NHSL1: variants seen among roughly 807,000 people sequenced by gnomAD.
NHSL1 encodes the protein NHS like 1.
A neutral mutation model predicts 95.0 loss-of-function variants in NHSL1; 48 were observed. The ratio of observed to expected loss-of-function variants is 0.51; its 90% confidence interval spans 0.40 to 0.64. The LOEUF (loss-of-function observed/expected upper bound fraction) is 0.64, where lower values mean the gene tolerates loss of function less well. NHSL1 is among the 30% of genes least tolerant of loss of function. The pLI is 0.00. For synonymous variants in NHSL1, 783 were observed against 833.9 expected, an observed-to-expected ratio of 0.94 and a Z score of 1.05; for missense variants, 1,971 against 2,077.7, an observed-to-expected ratio of 0.95 and a Z score of 1.00.
In NHSL1 at chr6:138,430,400, G is replaced by A. The variant is rs564070492; in HGVS notation, c.3945C>T (p.Asp1315=). Residue 1315 remains aspartate (D), a synonymous_variant, in exon 6 of 8, where the codon GAC becomes GAT. Coordinates refer to ENST00000343505, the MANE Select transcript of NHSL1 (RefSeq NM_001144060.2). This position sits in a 1 kb window ranked among gnomAD's most constrained non-coding sequence, Gnocchi z 4.7. ...GDGESCLSQQ[D]GAAGVPETNA... ...CCAGGAAGCCAGACTCACCTGCTCC[G>A]TCCTGTTGAGATAGGCAGCTCTCCC... The A allele has an allele frequency of 6.0e-5, 89 of 1,482,584 alleles. No individual in the cohort carries two copies. In the East Asian group the frequency reaches 7.0e-4, roughly 12 times the overall value. 91.8% of individuals were successfully genotyped at this position (1,482,584 alleles called of 1,614,324 possible).
chr6:138,433,766 TA>T, intron 5 of NHSL1, 86 bp from the exon 6 acceptor site: 1 of 1,386,386 alleles, frequency 7.2e-7, no homozygotes. Context: ...GACAGAATTT[TA>T]AAAAAATTTT....
At chr6:138,635,713 C>T (rs939940023) in intron 1 of NHSL1, among the ~76,000 whole-genome samples, 1 of 152,000 alleles carries the variant, frequency 6.6e-6, no homozygotes, top group Non-Finnish European at 1.5e-5. Flanking sequence ...AAAACACAGA[C>T]ACATCAAAAC....
chr6:138,503,986 T>C (rs559568524), upstream of NHSL1, among the ~76,000 whole-genome samples: 7 of 152,128 alleles, frequency 4.6e-5, no homozygotes, highest in South Asian at 2.1e-4. Context: ...ATCCCAGAGC[T>C]TTGGGAGGCT....
At chr6:138,442,212 G>T in intron 4 of NHSL1, 98 bp from the exon 5 acceptor site, 1 of 1,232,008 alleles carries the variant, frequency 8.1e-7, no homozygotes, top group Non-Finnish European at 1.1e-6. Context: ...TGATAAGAAG[G>T]TATTAATAAT....
At chr6:138,665,870 GT>G (rs981981007) in intron 1 of NHSL1, among the ~76,000 whole-genome samples, 9 of 152,054 alleles carry the variant, frequency 5.9e-5, no homozygotes, top group African/African-American at 2.2e-4. Flanking sequence ...GAGTGATTAA[GT>G]TTCTCCCCAG....
intron 1 of NHSL1, among the ~76,000 whole-genome samples, chr6:138,638,470 C>T (rs1425184173): frequency 6.6e-6 from 1 of 152,122 alleles, no homozygotes; most frequent in Admixed American, 6.5e-5. Flanking sequence ...TATACACTTA[C>T]TATGCACCCA....
intron 1 of NHSL1, among the ~76,000 whole-genome samples, chr6:138,594,605 G>A (rs1205568990): frequency 1.3e-5 from 2 of 151,802 alleles, no homozygotes; most frequent in Non-Finnish European, 2.9e-5. Flanking sequence ...AATACAATAC[G>A]ATCCCCAATA....
intron 1 of NHSL1, among the ~76,000 whole-genome samples, chr6:138,584,931 G>A (rs952657454): frequency 3.9e-5 from 6 of 152,176 alleles, no homozygotes; most frequent in African/African-American, 1.4e-4. Flanking sequence ...CAACAGAGCT[G>A]CCGCAAAATG....
At chr6:138,541,112 G>C (rs1324769087) in intron 1 of NHSL1, among the ~76,000 whole-genome samples, 1 of 152,172 alleles carries the variant, frequency 6.6e-6, no homozygotes, top group Non-Finnish European at 1.5e-5. Flanking sequence ...TCACGCCTGT[G>C]ATCCCAACAC....
intron 1 of NHSL1, among the ~76,000 whole-genome samples, chr6:138,629,388 TC>T (rs67914145): frequency 0.24 from 36,250 of 150,438 alleles, 4,449 homozygotes; most frequent in South Asian, 0.32. Flanking sequence ...TTTCTTTCTT[TC>T]TTTTTTTTTT....
At chr6:138,619,510 T>A (rs1275176827) in intron 1 of NHSL1, among the ~76,000 whole-genome samples, 2 of 152,186 alleles carry the variant, frequency 1.3e-5, no homozygotes, top group Admixed American at 6.5e-5. Flanking sequence ...TGACTGTTAC[T>A]TTTCGTACCT....
chr6:138,597,229 C>T (rs1345213506), intron 1 of NHSL1, among the ~76,000 whole-genome samples: 1 of 152,064 alleles, frequency 6.6e-6, no homozygotes, highest in Admixed American at 6.5e-5. Context: ...TCAGTGCTGG[C>T]ATATGAAGCA....
chr6:138,507,409 A>C (rs1321157453), intron 1 of NHSL1, among the ~76,000 whole-genome samples: 1 of 152,226 alleles, frequency 6.6e-6, no homozygotes, highest in Non-Finnish European at 1.5e-5. Context: ...ACTACTAATA[A>C]TAATGGGAAT....
intron 2 of NHSL1, among the ~76,000 whole-genome samples, chr6:138,487,701 G>T (rs1779809210): frequency 6.6e-6 from 1 of 152,162 alleles, no homozygotes; most frequent in African/African-American, 2.4e-5. Context: ...ACGAAGATGG[G>T]ACCTGACTTC....
intron 4 of NHSL1, chr6:138,446,722 G>A (rs1776884944): frequency 5.7e-6 from 2 of 352,768 alleles, no homozygotes; most frequent in East Asian, 5.2e-5. Flanking sequence ...TTACTAAAAA[G>A]CAATTTAATT....
intron 1 of NHSL1, among the ~76,000 whole-genome samples, chr6:138,564,539 G>A (rs1046036845): frequency 2.0e-5 from 3 of 151,994 alleles, no homozygotes; most frequent in African/African-American, 7.3e-5. Flanking sequence ...GCCAAATTCA[G>A]AAAGTATTTG....
chr6:138,645,950 G>A (rs1476937810), intron 1 of NHSL1, among the ~76,000 whole-genome samples: 1 of 152,196 alleles, frequency 6.6e-6, no homozygotes, highest in Non-Finnish European at 1.5e-5. Context: ...TTAAATGAAT[G>A]AGTGTATGAT....
At chr6:138,496,492 A>G (rs1780362309) in intron 1 of NHSL1, 121 bp from the exon 2 acceptor site, 2 of 905,774 alleles carry the variant, frequency 2.2e-6, no homozygotes, top group Non-Finnish European at 3.4e-6. Context: ...GGAGCAATGG[A>G]GCAAATCCTA....
Position 138,432,136 on chromosome 6 carries a change from G to GGGAGCGGGGCAGCCAGGGC in NHSL1, c.2190_2208dup (p.Arg737AlafsTer13). 1 of 1,549,642 alleles carries GGGAGCGGGGCAGCCAGGGC rather than the reference G, an allele frequency of 6.5e-7. No individual in the cohort carries two copies. On this transcript the variant is annotated frameshift_variant, in exon 6 of 8. Coordinates refer to ENST00000343505, the MANE Select transcript of NHSL1 (RefSeq NM_001144060.2). LOFTEE classifies it high-confidence loss of function. This position sits in a 1 kb window ranked among gnomAD's most constrained non-coding sequence, Gnocchi z 4.4. ...CCAGCACTAACTGTGCTCTGGCTCC[G>GGGAGCGGGGCAGCCAGGGC]GGAGCGGGGCAGCCAGGGCTCTTCC...
Sources: gnomAD v4.1 joint callset for allele counts (sites outside exome capture counted in the v4.1 genomes callset) on GRCh38, gnomAD v4.1.1 for gene constraint, Gnocchi (gnomAD v3.1) non-coding constraint, MANE v1.5 for transcripts, NCBI Gene and HGNC (gene_info 2026-07-23, HGNC 2026-07-21) for gene names.